Variants in CREG1 observed in about 807,000 individuals in gnomAD.
CREG1 encodes protein CREG1.
In CREG1, 20 loss-of-function variants were observed where a neutral mutation model predicts 19.9. That is an observed-to-expected ratio of 1.01 (90% CI 0.71 to 1.46). The LOEUF (loss-of-function observed/expected upper bound fraction) is 1.46. Among genes scored for constraint, CREG1 ranks in the 40% most tolerant of loss-of-function variants. The pLI is 0.00. For synonymous variants in CREG1, 141 were observed against 143.3 expected, an observed-to-expected ratio of 0.98 and a Z score of 0.12; for missense variants, 290 against 314.9, an observed-to-expected ratio of 0.92 and a Z score of 0.60.
intron 3 of CREG1, among the ~76,000 whole-genome samples, chr1:167,545,417 T>TG (rs1354922361): frequency 6.6e-6 from 1 of 152,164 alleles, no homozygotes; most frequent in African/African-American, 2.4e-5. Context: ...AACCACAGGG[T>TG]GACAGCCTAT....
chr1:167,546,120 A>T lies in CREG1; in HGVS notation c.640T>A (p.Tyr214Asn), dbSNP rs1464163524. Residue 214 changes from tyrosine (Y) to asparagine (N), a missense_variant, in exon 3 of 4, where the codon TAT (tyrosine) becomes AAT (asparagine). Tyr to Asn is a moderately radical substitution (Grantham distance 143, BLOSUM62 -2). Coordinates refer to ENST00000370509, the MANE Select transcript of CREG1 (RefSeq NM_003851.3). ...GGPKIVTPEE[Y>N]YNVTVQ ...ACTTACTGAACTGTGACATTATAAT[A>T]TTCTTCTGGTGTCACGATTTTTGGT... The T allele has an allele frequency of 1.2e-6, 2 of 1,605,346 alleles. No homozygotes were observed. Among genetic ancestry groups the T allele is most frequent in the African/African-American group, 2.7e-5 (2 of 74,406 alleles).
At chr1:167,545,007 T>A (rs1656292964) in intron 3 of CREG1, among the ~76,000 whole-genome samples, 2 of 152,196 alleles carry the variant, frequency 1.3e-5, no homozygotes, top group Non-Finnish European at 2.9e-5. Context: ...TTCCTTTCCC[T>A]TTCTGTCTTC....
At chr1:167,550,998 T>C (rs1310730647) in intron 1 of CREG1, among the ~76,000 whole-genome samples, 1 of 152,184 alleles carries the variant, frequency 6.6e-6, no homozygotes, top group African/African-American at 2.4e-5. Flanking sequence ...AGGCTAATAG[T>C]AAGAGGTCTT....
chr1:167,545,709 G>C (rs959423989), intron 3 of CREG1, among the ~76,000 whole-genome samples: 1 of 151,892 alleles, frequency 6.6e-6, no homozygotes, highest in African/African-American at 2.4e-5. Flanking sequence ...GGAGGCTTGA[G>C]GCATAAGAAT....
chr1:167,543,651 G>A (rs1656267676), intron 3 of CREG1, among the ~76,000 whole-genome samples: 1 of 152,200 alleles, frequency 6.6e-6, no homozygotes, highest in Non-Finnish European at 1.5e-5. Flanking sequence ...CCTGGCGGGT[G>A]GGATTAGTGG....
In CREG1 at chr1:167,541,237, T is replaced by C. The variant is rs1320809226; in HGVS notation, c.*1061A>G. 1 of 152,252 alleles carries C rather than the reference T, an allele frequency of 6.6e-6. No individual in the cohort carries two copies. The highest frequency in any genetic ancestry group is 1.5e-5 in the Non-Finnish European group (1 of 68,050). The allele number at this position is 152,252 out of a possible 1,614,324, so 9.4% of individuals were successfully genotyped here. On this transcript the variant is annotated 3_prime_UTR_variant, in exon 4 of 4. Transcript: ENST00000370509. ...TTAAGAGGAATCTTATGTCATCTTC[T>C]GAAATCATGTATATGGGTAATAATA...
At position 167,542,820 on chromosome 1, in the gene CREG1, T is replaced by C. The variant is rs192495228; in HGVS notation, c.660-519A>G. On this transcript the variant is annotated intron_variant, in intron 3 of 3. Coordinates refer to ENST00000370509, the MANE Select transcript of CREG1 (RefSeq NM_003851.3). ...GTATCAAGACTGGGCAAGTCTGTAA[T>C]CCATGACCTTTTGTTACCTGTGTGT... Among the ~76,000 whole-genome samples, 375 of 152,270 alleles carry C rather than the reference T, an allele frequency of 2.5e-3. 2 individuals are homozygous for C. Among genetic ancestry groups the C allele is most frequent in the Non-Finnish European group, 4.4e-3 (301 of 68,022 alleles).
At chr1:167,547,860 G>A in intron 2 of CREG1, 142 bp downstream of exon 2, 1 of 795,730 alleles carries the variant, frequency 1.3e-6, no homozygotes, top group Non-Finnish European at 1.9e-6. Flanking sequence ...GGCAGAGGTT[G>A]CAGTAAGCCG....
chr1:167,548,268 GA>G, intron 1 of CREG1, 147 bp from the exon 2 acceptor site: 1 of 579,364 alleles, frequency 1.7e-6, no homozygotes. Flanking sequence ...CCACTCAGGG[GA>G]AAATAATACT....
chr1:167,546,296 T>G lies in CREG1; in HGVS notation c.475-11A>C, dbSNP rs761360132. Reference sequence around the variant, plus strand: ...TTCTGTTTCATTCACCTAAAGGACATATATGAAATAAACATTCTTATGGCA... The same window carrying G: ...TTCTGTTTCATTCACCTAAAGGACAGATATGAAATAAACATTCTTATGGCA... On this transcript the variant is annotated splice_polypyrimidine_tract_variant and intron_variant, in intron 2 of 3. Transcript: ENST00000370509. The G allele has an allele frequency of 9.1e-6, 14 of 1,532,640 alleles. No homozygotes were observed. The highest frequency in any genetic ancestry group is 1.2e-5 in the Non-Finnish European group (14 of 1,124,508). 94.9% of individuals were successfully genotyped at this position (1,532,640 alleles called of 1,614,324 possible).
At chr1:167,544,553 A>G (rs1296717570) in intron 3 of CREG1, among the ~76,000 whole-genome samples, 2 of 152,120 alleles carry the variant, frequency 1.3e-5, no homozygotes, top group Non-Finnish European at 2.9e-5. Context: ...CTGAGCTAGG[A>G]GCCTGGCCAG....
At chr1:167,546,908 A>T (rs900426883) in intron 2 of CREG1, among the ~76,000 whole-genome samples, 1 of 152,246 alleles carries the variant, frequency 6.6e-6, no homozygotes, top group African/African-American at 2.4e-5. Context: ...GGTGCCTAAG[A>T]CATGTAATGT....
In CREG1 at chr1:167,547,937, A is replaced by G. The variant is rs1052132259; in HGVS notation, c.474+65T>C. ...CTCTGTCTCAAAAGAAAAATGATCT[A>G]TTCTTTCATTGTGAATACGATGGTG... is the stretch of plus-strand genomic sequence containing the variant. On this transcript the variant is annotated intron_variant, in intron 2 of 3. Transcript: ENST00000370509. The G allele has an allele frequency of 9.8e-6, 15 of 1,531,542 alleles. No homozygotes were observed. The African/African-American group carries it at 1.1e-4, about 11-fold the overall frequency. The allele number at this position is 1,531,542 out of a possible 1,614,324, so 94.9% of individuals were successfully genotyped here. A position where few individuals can be genotyped will look rare whatever the true frequency, so the allele number is the denominator to read the frequency against.
chr1:167,553,262 G>T (rs776525498), intron 1 of CREG1, 126 bp downstream of exon 1: 3 of 742,920 alleles, frequency 4.0e-6, no homozygotes, highest in East Asian at 6.8e-5. Flanking sequence ...CTGCCTGCGC[G>T]GCAGAGAAGC....
intron 3 of CREG1, 39 bp downstream of exon 3, chr1:167,546,062 A>T: frequency 1.3e-5 from 20 of 1,530,644 alleles, no homozygotes; most frequent in Non-Finnish European, 1.7e-5. Flanking sequence ...GATGGCTGTA[A>T]GGGCGGCAAT....
At chr1:167,550,047 T>C (rs1158184251) in intron 1 of CREG1, among the ~76,000 whole-genome samples, 1 of 152,200 alleles carries the variant, frequency 6.6e-6, no homozygotes, top group Non-Finnish European at 1.5e-5. Context: ...TGGAGTGCAA[T>C]GGCGTGATCT....
Position 167,546,253 on chromosome 1 carries a change from A to G in CREG1, c.507T>C (p.His169=). Reference sequence around the variant, plus strand: ...TCTCAGGGTGTCGAATGAATAACGAATGCTTTGCAATATCCATTTCTGTTT... The same window carrying G: ...TCTCAGGGTGTCGAATGAATAACGAGTGCTTTGCAATATCCATTTCTGTTT... ...VNETEMDIAK[H]SLFIRHPEMK... is the part of the protein sequence containing the mutation. The change falls in exon 3 of 4, where the codon CAT becomes CAC. Residue 169 remains histidine, a synonymous_variant. Coordinates refer to ENST00000370509, the MANE Select transcript of CREG1 (RefSeq NM_003851.3). 1 of 1,608,374 alleles carries G rather than the reference A, an allele frequency of 6.2e-7. No homozygotes were observed. The highest frequency in any genetic ancestry group is 8.5e-7 in the Non-Finnish European group (1 of 1,177,626).
intron 3 of CREG1, among the ~76,000 whole-genome samples, chr1:167,542,568 T>A (rs1656244051): frequency 6.6e-6 from 1 of 152,360 alleles, no homozygotes; most frequent in African/African-American, 2.4e-5. Context: ...GACACACTGA[T>A]AAACGCTACT....
chr1:167,546,829 C>T (rs1437178962), intron 2 of CREG1, among the ~76,000 whole-genome samples: 1 of 152,224 alleles, frequency 6.6e-6, no homozygotes, highest in Non-Finnish European at 1.5e-5. Flanking sequence ...AAGTATAATA[C>T]CAACTTTCAT....
Sources: gnomAD v4.1 joint callset for allele counts (sites outside exome capture counted in the v4.1 genomes callset) on GRCh38, gnomAD v4.1.1 for gene constraint, MANE v1.5 for transcripts, NCBI Gene and HGNC (gene_info 2026-07-23, HGNC 2026-07-21) for gene names.